Variants in OTUD3 observed in about 807,000 individuals in gnomAD.
The protein encoded by OTUD3 is OTU domain-containing protein 3.
OTUD3 carries 24 observed loss-of-function variants against 46.2 expected under a neutral mutation model. The ratio of observed to expected loss-of-function variants is 0.52; its 90% CI spans 0.38 to 0.73. OTUD3 has a LOEUF of 0.73. Among genes scored for constraint, OTUD3 ranks in the 30% least tolerant of loss-of-function variants. OTUD3 has a pLI of 0.00. For synonymous variants in OTUD3, 189 were observed against 195.4 expected (o/e 0.97, Z 0.27); for missense variants, 455 against 523.3 (o/e 0.87, Z 1.27).
In OTUD3 at chr1:19,882,725, CG is replaced by C; in HGVS notation, c.217del (p.Asp73ThrfsTer31). On this transcript the variant is annotated frameshift_variant, in exon 1 of 8. Coordinates refer to ENST00000375120, the MANE Select transcript of OTUD3 (RefSeq NM_015207.2). LOFTEE classifies it high-confidence loss of function. ...CTGGGGCTGAAGCTGCGGGAGGTGCCGGGGGACGGGTGAGGCGGGCCGGGAG... is the reference window on the plus strand; with the variant it reads ...CTGGGGCTGAAGCTGCGGGAGGTGCCGGGGACGGGTGAGGCGGGCCGGGAG... ...QALGLKLREV[P>X]GDGNCLFRAL... is the part of the protein sequence containing the mutation. 2 of 1,365,608 alleles carry C rather than the reference CG, an allele frequency of 1.5e-6. No individual in the cohort carries two copies. Among genetic ancestry groups the C allele is most frequent in the Non-Finnish European group, 9.5e-7 (1 of 1,057,834 alleles). The allele number at this position is 1,365,608 out of a possible 1,614,324, so 84.6% of individuals were successfully genotyped here.
chr1:19,882,448 C>T lies in OTUD3; in HGVS notation c.-66C>T, dbSNP rs2045279782. On this transcript the variant is annotated 5_prime_UTR_variant, in exon 1 of 8. Transcript: ENST00000375120. ...CCCGCGCTGTTTTACCTTCCCAACGCTTGAGGCGGACGCTGGGGGGTCCTG... is the reference window on the plus strand; with the variant it reads ...CCCGCGCTGTTTTACCTTCCCAACGTTTGAGGCGGACGCTGGGGGGTCCTG... 2 of 1,319,840 alleles carry T rather than the reference C, an allele frequency of 1.5e-6. No individual in the cohort carries two copies. The highest frequency in any genetic ancestry group is 1.9e-6 in the Non-Finnish European group (2 of 1,040,618). 81.8% of individuals were successfully genotyped at this position (1,319,840 alleles called of 1,614,324 possible).
chr1:19,885,534 A>G (rs1422993956), intron 1 of OTUD3, among the ~76,000 whole-genome samples: 1 of 152,134 alleles, frequency 6.6e-6, no homozygotes, highest in Non-Finnish European at 1.5e-5. Flanking sequence ...GCTCACTGCA[A>G]TCTCTGCCTC....
intron 1 of OTUD3, 87 bp downstream of exon 1, chr1:19,882,821 C>A: frequency 8.5e-7 from 1 of 1,177,824 alleles, no homozygotes; most frequent in Non-Finnish European, 1.1e-6. Flanking sequence ...GTCCATCCAT[C>A]CATTCATTCG....
intron 4 of OTUD3, among the ~76,000 whole-genome samples, chr1:19,899,915 CTA>C (rs776501183): frequency 6.6e-6 from 1 of 151,810 alleles, no homozygotes. Flanking sequence ...CATTTTTTTC[CTA>C]TTAAGTTGTC....
rs554551039 is a variant in OTUD3, at chr1:19,885,287, A to G, written c.221+2553A>G. Among the ~76,000 whole-genome samples the G allele has an allele frequency of 9.8e-5, 15 of 152,304 alleles. No homozygotes were observed. The South Asian group carries it at 3.1e-3, about 32-fold the overall frequency. ...TCGTATTTCCTCTTGTGTGGGCTTC[A>G]TGGAGCTAACCACCTTCTGTTCACA... On this transcript the variant is annotated intron_variant, in intron 1 of 7. Transcript: ENST00000375120.
chr1:19,897,391 A>G, intron 3 of OTUD3, 149 bp from the exon 4 acceptor site: 1 of 609,260 alleles, frequency 1.6e-6, no homozygotes. Context: ...GTAGTTTGGA[A>G]ATTGCTTGTG....
intron 2 of OTUD3, among the ~76,000 whole-genome samples, chr1:19,893,242 C>G (rs767710312): frequency 1.3e-5 from 2 of 152,192 alleles, no homozygotes; most frequent in Non-Finnish European, 2.9e-5. Context: ...TTGGTACCAT[C>G]TACAAGTTGG....
In OTUD3 at chr1:19,904,910, A is replaced by G. The variant is rs1227385846; in HGVS notation, c.758A>G (p.Gln253Arg). The G allele has an allele frequency of 2.5e-6, 4 of 1,576,416 alleles. No individual in the cohort carries two copies. The East Asian group carries it at 6.7e-5, about 26-fold the overall frequency. ...GGATAGGATTTTAATTTAATAGTCCAGAACCTGGAAGCTGAAAATTATAAT... is the reference window on the plus strand; with the variant it reads ...GGATAGGATTTTAATTTAATAGTCCGGAACCTGGAAGCTGAAAATTATAAT... ...TGCSDFNLIV[Q>R]NLEAENYNIE... The change falls in exon 6 of 8, where the codon CAG becomes CGG. Residue 253 changes from glutamine (Q) to arginine (R), a missense_variant. Physicochemically the swap from Gln to Arg is conservative, Grantham distance 43 (BLOSUM62 1). Coordinates refer to ENST00000375120, the MANE Select transcript of OTUD3 (RefSeq NM_015207.2).
chr1:19,894,306 CA>C, intron 2 of OTUD3, 61 bp from the exon 3 acceptor site: 1 of 886,904 alleles, frequency 1.1e-6, no homozygotes, highest in South Asian at 1.6e-5. Context: ...AATACCAAAG[CA>C]TGTTTGCATT....
At position 19,897,547 on chromosome 1, in the gene OTUD3, G is replaced by A; in HGVS notation, c.491G>A (p.Gly164Asp). 3 of 1,613,936 alleles carry A rather than the reference G, an allele frequency of 1.9e-6. No individual in the cohort carries two copies. The highest frequency in any genetic ancestry group is 1.7e-6 in the Non-Finnish European group (2 of 1,179,918). ...CCCTTCTTTTGTCTACAGATTCGTG[G>A]TACAGAGAAAAGCAGCGTGAGGGAG... ...QLNAPLWQIR[G>D]TEKSSVRELH... Residue 164 changes from glycine to aspartate, a missense_variant, in exon 4 of 8, where the codon GGT becomes GAT. Coordinates refer to ENST00000375120, the MANE Select transcript of OTUD3 (RefSeq NM_015207.2).
At chr1:19,903,874 C>G (rs917876450) in intron 4 of OTUD3, among the ~76,000 whole-genome samples, 4 of 152,176 alleles carry the variant, frequency 2.6e-5, no homozygotes, top group African/African-American at 9.7e-5. Context: ...TCTTCAAGAC[C>G]AGCACCGTTT....
chr1:19,907,465 T>TG, intron 7 of OTUD3, 105 bp from the exon 8 acceptor site: 2 of 1,040,080 alleles, frequency 1.9e-6, no homozygotes, highest in Non-Finnish European at 2.8e-6. Flanking sequence ...TTTTCCCTGT[T>TG]CCTGCTGAAA....
At position 19,882,467 on chromosome 1, in the gene OTUD3, G is replaced by C. The variant is rs913928201; in HGVS notation, c.-47G>C. ...CCAACGCTTGAGGCGGACGCTGGGG[G>C]GTCCTGCGCCTTTCCCTCCTGCCGC... On this transcript the variant is annotated 5_prime_UTR_variant, in exon 1 of 8. Transcript: ENST00000375120. 19 of 1,330,496 alleles carry C rather than the reference G, an allele frequency of 1.4e-5. No individual in the cohort carries two copies. Among genetic ancestry groups the C allele is most frequent in the South Asian group, 2.0e-5 (1 of 49,120 alleles). The allele number at this position is 1,330,496 out of a possible 1,614,324, so 82.4% of individuals were successfully genotyped here. A position where few individuals can be genotyped will look rare whatever the true frequency, so the allele number is the denominator to read the frequency against.
At chr1:19,897,699 C>G (rs976283971) in intron 4 of OTUD3, 37 bp downstream of exon 4, 2 of 1,601,802 alleles carry the variant, frequency 1.2e-6, no homozygotes, top group Middle Eastern at 1.7e-4. Flanking sequence ...TATTCCCCGC[C>G]CTACAGGAAA....
chr1:19,886,682 C>A (rs1052996698), intron 1 of OTUD3, among the ~76,000 whole-genome samples: 1 of 152,200 alleles, frequency 6.6e-6, no homozygotes, highest in East Asian at 1.9e-4. Flanking sequence ...AGTCTAGATG[C>A]TCAACTAGTG....
intron 1 of OTUD3, among the ~76,000 whole-genome samples, chr1:19,884,521 T>A (rs2045327741): frequency 6.6e-6 from 1 of 152,212 alleles, no homozygotes; most frequent in Non-Finnish European, 1.5e-5. Flanking sequence ...GGTCTCAGCT[T>A]TTTTGGTCTT....
chr1:19,888,770 A>G (rs2045406548), intron 1 of OTUD3, among the ~76,000 whole-genome samples: 2 of 152,216 alleles, frequency 1.3e-5, no homozygotes, highest in South Asian at 4.1e-4. Context: ...GGCACATTGT[A>G]AGAACTATTT....
intron 5 of OTUD3, 21 bp downstream of exon 5, chr1:19,904,419 G>A (rs772138579): frequency 3.7e-6 from 6 of 1,601,784 alleles, no homozygotes; most frequent in Non-Finnish European, 5.1e-6. Context: ...CTGTCTTGCA[G>A]GAATGATTTA....
In OTUD3 at chr1:19,902,468, G is replaced by A. The variant is rs2045604021; in HGVS notation, c.607-1799G>A. On this transcript the variant is annotated intron_variant, in intron 4 of 7. Coordinates refer to ENST00000375120, the MANE Select transcript of OTUD3 (RefSeq NM_015207.2). ...GATCCACCCACCTCGGCCTCCCAAAGTGCTGGGATTACAGGCATGAGCCAC... is the reference window on the plus strand; with the variant it reads ...GATCCACCCACCTCGGCCTCCCAAAATGCTGGGATTACAGGCATGAGCCAC... Among the ~76,000 whole-genome samples the A allele has an allele frequency of 3.3e-5, 5 of 152,180 alleles. No homozygotes were observed. The South Asian group carries it at 1.0e-3, about 32-fold the overall frequency.
Sources: gnomAD v4.1 joint callset for allele counts (sites outside exome capture counted in the v4.1 genomes callset) on GRCh38, gnomAD v4.1.1 for gene constraint, MANE v1.5 for transcripts, NCBI Gene and HGNC (gene_info 2026-07-23, HGNC 2026-07-21) for gene names.